Variants in ZNF132 observed in about 807,000 individuals in gnomAD.
ZNF132 encodes zinc finger protein 132 (clone pHZ-12).
Under a neutral mutation model 9.3 loss-of-function variants are expected in ZNF132, and 6 were observed. That is an observed-to-expected ratio of 0.65 (90% CI 0.35 to 1.28). The LOEUF (loss-of-function observed/expected upper bound fraction) is 1.28, where lower values mean the gene tolerates loss of function less well. ZNF132 is among the 50% of genes most tolerant of loss of function. The probability of loss-of-function intolerance (pLI) is 0.03; values close to 1 mark genes in which losing one functional copy is unlikely to be tolerated. For missense variants in ZNF132, 877 were observed against 843.2 expected (o/e 1.04, Z -0.50); for synonymous variants, 296 against 292.0 (o/e 1.01, Z -0.14).
rs1046003871 is a variant in ZNF132, at chr19:58,433,830, A to T, written c.1614T>A (p.Thr538=). 1.9e-6 allele frequency: 3 copies of T among 1,614,142 alleles called. No individual in the cohort carries two copies. Among genetic ancestry groups the T allele is most frequent in the Non-Finnish European group, 2.5e-6 (3 of 1,180,012 alleles). ...SSLIQHWRIH[T]GEKPYECSEC... ...CACTACACTCGTAAGGCTTTTCTCC[A>T]GTGTGAATTCTCCAGTGCTGAATCA... The change falls in exon 3 of 3, where the codon ACT becomes ACA. Residue 538 remains threonine (T), a synonymous_variant. Coordinates refer to ENST00000254166, the MANE Select transcript of ZNF132 (RefSeq NM_003433.4).
chr19:58,432,818 CT>C lies in ZNF132; in HGVS notation c.*504del, dbSNP rs1434158979. ...CAGAACCCCTAAGATTAAAGGTGAC[CT>C]GATCAATAAGGTCTTTATTATCACC... On this transcript the variant is annotated 3_prime_UTR_variant, in exon 3 of 3. Coordinates refer to ENST00000254166, the MANE Select transcript of ZNF132 (RefSeq NM_003433.4). The C allele has an allele frequency of 1.2e-5, 2 of 166,570 alleles. No individual in the cohort carries two copies. Among genetic ancestry groups the C allele is most frequent in the Admixed American group, 1.1e-4 (2 of 18,160 alleles). 10.3% of individuals were successfully genotyped at this position (166,570 alleles called of 1,614,324 possible). A position where few individuals can be genotyped will look rare whatever the true frequency, so the allele number is the denominator to read the frequency against.
Position 58,434,191 on chromosome 19 carries a change from A to G in ZNF132, c.1253T>C (p.Leu418Pro). The stretch of plus-strand genomic sequence containing the variant: ...AGTGTGAACTCTCCAGTGCTGAATG[A>G]GAGCAGAGCTTCGGCTGAAGGATTT... ...CGKSFSRSSALIQHWRVHTGE... is the reference protein window; with the variant it reads ...CGKSFSRSSAPIQHWRVHTGE... Residue 418 changes from leucine (L) to proline (P), a missense_variant, in exon 3 of 3, where the codon CTC becomes CCC. By Grantham distance (98) the Leu-to-Pro change is moderately conservative. Coordinates refer to ENST00000254166, the MANE Select transcript of ZNF132 (RefSeq NM_003433.4). 1 of 1,614,210 alleles carries G rather than the reference A, an allele frequency of 6.2e-7. No individual in the cohort carries two copies. The highest frequency in any genetic ancestry group is 1.3e-5 in the African/African-American group (1 of 75,052).
chr19:58,433,895 A>C lies in ZNF132; in HGVS notation c.1549T>G (p.Cys517Gly). The C allele has an allele frequency of 6.2e-7, 1 of 1,614,144 alleles. No individual in the cohort carries two copies. Among genetic ancestry groups the C allele is most frequent in the Non-Finnish European group, 8.5e-7 (1 of 1,180,028 alleles). The part of the protein sequence containing the change: ...KVHTGQRPYE[C>G]SECRKSFSRS... ...CTGAAGGATTTCCTACATTCGCTGC[A>C]CTCATAAGGCCTTTGCCCAGTATGT... Residue 517 changes from cysteine (C) to glycine (G), a missense_variant, in exon 3 of 3, where the codon TGC becomes GGC. Cys to Gly is a radical substitution (Grantham distance 159). Coordinates refer to ENST00000254166, the MANE Select transcript of ZNF132 (RefSeq NM_003433.4).
In ZNF132 at chr19:58,433,938, G is replaced by A. The variant is rs763690763; in HGVS notation, c.1506C>T (p.Leu502=). ...CAGTATGTACTTTCTGGTGCTGGAT[G>A]AGGGTGGAGCTATTACTGAAGGCTT... ...CGKAFSNSST[L]IQHQKVHTGQ... is the part of the protein sequence containing the mutation. The change falls in exon 3 of 3, where the codon CTC becomes CTT. Residue 502 remains leucine (L), a synonymous_variant. Coordinates refer to ENST00000254166, the MANE Select transcript of ZNF132 (RefSeq NM_003433.4). 3.8e-5 allele frequency: 62 copies of A among 1,613,996 alleles called. No homozygotes were observed. The highest frequency in any genetic ancestry group is 5.2e-5 in the Non-Finnish European group (61 of 1,180,034).
At chr19:58,438,725 G>A (rs10417117) in intron 1 of ZNF132, among the ~76,000 whole-genome samples, 12,664 of 150,638 alleles carry the variant, frequency 0.084, 1,615 homozygotes, top group African/African-American at 0.28. Context: ...CACCTGCCTC[G>A]GCCTCCCAAA....
At position 58,433,239 on chromosome 19, in the gene ZNF132, AT is replaced by A; in HGVS notation, c.*83del. 2.1e-6 allele frequency: 3 copies of A among 1,431,734 alleles called. No individual in the cohort carries two copies. The South Asian group carries it at 4.0e-5, about 19-fold the overall frequency. 88.7% of individuals were successfully genotyped at this position (1,431,734 alleles called of 1,614,324 possible). A position where few individuals can be genotyped will look rare whatever the true frequency, so the allele number is the denominator to read the frequency against. On this transcript the variant is annotated 3_prime_UTR_variant, in exon 3 of 3. Transcript: ENST00000254166. ...TCCACATTAGCAGTACATGTAGGTA[AT>A]TTTTCTGGTATGGGGATTCTGCTGC...
Position 58,435,133 on chromosome 19 carries a change from G to A in ZNF132, c.311C>T (p.Pro104Leu). 6.2e-7 allele frequency: 1 copy of A among 1,614,180 alleles called. No homozygotes were observed. Among genetic ancestry groups the A allele is most frequent in the Non-Finnish European group, 8.5e-7 (1 of 1,180,024 alleles). The change falls in exon 3 of 3, where the codon CCT becomes CTT. Residue 104 changes from proline (P) to leucine (L), a missense_variant. Pro to Leu is a moderately conservative substitution (Grantham distance 98). Transcript: ENST00000254166. ...TTTCTTGGTGGAAGGATCTGCATTA[G>A]GGATCCTGACCTGTAACACTTCTAC... ...VSVEVLQVRI[P>L]NADPSTKKAN...
At position 58,438,971 on chromosome 19, in the gene ZNF132, G is replaced by A. The variant is rs151122885; in HGVS notation, c.63+788C>T. On this transcript the variant is annotated intron_variant, in intron 1 of 2. Transcript: ENST00000254166. Reference sequence around the variant, plus strand: ...GTATTTTTAGTAGAGGTGGGGTTTCGCCACGTTGGCCAGGCTGGTCTTGAA... The same window carrying A: ...GTATTTTTAGTAGAGGTGGGGTTTCACCACGTTGGCCAGGCTGGTCTTGAA... Among the ~76,000 whole-genome samples, 1,047 of 151,266 alleles carry A rather than the reference G, an allele frequency of 6.9e-3. 16 individuals carry two copies. Among genetic ancestry groups the A allele is most frequent in the Admixed American group, 0.023 (352 of 15,180 alleles).
chr19:58,437,631 G>T, intron 1 of ZNF132: 1 of 880,040 alleles, frequency 1.1e-6, no homozygotes, highest in Non-Finnish European at 1.4e-6. Context: ...ACCTTTACAT[G>T]TCACTCCTCA....
chr19:58,433,919 G>A lies in ZNF132; in HGVS notation c.1525C>T (p.His509Tyr). The change falls in exon 3 of 3, where the codon CAT (histidine) becomes TAT (tyrosine). Residue 509 changes from histidine (H) to tyrosine (Y), a missense_variant. His to Tyr is a moderately conservative substitution (Grantham distance 83). Transcript: ENST00000254166. ...SSTLIQHQKV[H>Y]TGQRPYECSE... ...CACTCATAAGGCCTTTGCCCAGTAT[G>A]TACTTTCTGGTGCTGGATGAGGGTG... The A allele has an allele frequency of 6.2e-7, 1 of 1,614,158 alleles. No homozygotes were observed. Among genetic ancestry groups the A allele is most frequent in the Admixed American group, 1.7e-5 (1 of 60,014 alleles).
At position 58,439,759 on chromosome 19, in the gene ZNF132, C is replaced by T. The variant is rs1308658796; in HGVS notation, c.63G>A (p.Gln21=). The T allele has an allele frequency of 1.3e-6, 2 of 1,538,040 alleles. No individual in the cohort carries two copies. The highest frequency in any genetic ancestry group is 5.1e-5 in the East Asian group (2 of 39,486). Residue 21 remains glutamine (Q), a splice_region_variant and synonymous_variant, in exon 1 of 3, where the codon CAG becomes CAA. Coordinates refer to ENST00000254166, the MANE Select transcript of ZNF132 (RefSeq NM_003433.4). ...AGGGCCTGGGGCACACTCCACTTAC[C>T]TGCGCCGGGCCCATCAGCAACGCTG... ...GLPALLMGPA[Q]HTSWPCGSAV... is the part of the protein sequence containing the mutation.
rs981543504 is a variant in ZNF132 at position 58,434,107 on chromosome 19, A to C, written c.1337T>G (p.Leu446Arg). The C allele has an allele frequency of 3.1e-6, 5 of 1,613,816 alleles. No individual in the cohort carries two copies. The Admixed American group carries it at 5.0e-5, about 16-fold the overall frequency. ...CGRAFNNNSN[L>R]AQHQKVHTGE... ...GGTGTGAACTTTCTGGTGCTGAGCA[A>C]GGTTGGAGTTATTGTTAAAAGCTCT... The change falls in exon 3 of 3, where the codon CTT becomes CGT. Residue 446 changes from leucine (L) to arginine (R), a missense_variant. By Grantham distance (102) the Leu-to-Arg change is moderately radical. Coordinates refer to ENST00000254166, the MANE Select transcript of ZNF132 (RefSeq NM_003433.4).
At chr19:58,439,288 C>A (rs982874083) in intron 1 of ZNF132, among the ~76,000 whole-genome samples, 2 of 152,182 alleles carry the variant, frequency 1.3e-5, no homozygotes, top group Admixed American at 6.5e-5. Context: ...GCCCACTAGG[C>A]ATCCATAGGG....
chr19:58,438,274 C>G (rs1042407290), intron 1 of ZNF132, among the ~76,000 whole-genome samples: 1 of 152,182 alleles, frequency 6.6e-6, no homozygotes, highest in Admixed American at 6.5e-5. Context: ...AGTGTCCACA[C>G]ACAAGCATCC....
chr19:58,434,747 G>T lies in ZNF132; in HGVS notation c.697C>A (p.Gln233Lys). The T allele has an allele frequency of 6.2e-7, 1 of 1,614,212 alleles. No homozygotes were observed. The highest frequency in any genetic ancestry group is 8.5e-7 in the Non-Finnish European group (1 of 1,180,036). ...CAGTTGCTGCACTCGAAGAGTTTCT[G>T]TGTGGTACAGACTTCTGGAAGCTGC... ...LGQLPEVCTT[Q>K]KLFECSNCGK... The change falls in exon 3 of 3, where the codon CAG becomes AAG. Residue 233 changes from glutamine (Q) to lysine (K), a missense_variant. Physicochemically the swap from Gln to Lys is moderately conservative, Grantham distance 53. Coordinates refer to ENST00000254166, the MANE Select transcript of ZNF132 (RefSeq NM_003433.4).
rs374314697 is a variant in ZNF132 at position 58,439,948 on chromosome 19, C to G, written c.-127G>C. Reference sequence around the variant, plus strand: ...GCAAGGCCTCTGGGCACCGCAGGGACGAAGGCTGGGTATGGAGACCCTGGA... The same window carrying G: ...GCAAGGCCTCTGGGCACCGCAGGGAGGAAGGCTGGGTATGGAGACCCTGGA... On this transcript the variant is annotated 5_prime_UTR_variant, in exon 1 of 3. Coordinates refer to ENST00000254166, the MANE Select transcript of ZNF132 (RefSeq NM_003433.4). 6 of 982,108 alleles carry G rather than the reference C, an allele frequency of 6.1e-6. No homozygotes were observed. The highest frequency in any genetic ancestry group is 4.7e-5 in the South Asian group (3 of 64,220). The allele number at this position is 982,108 out of a possible 1,614,324, so 60.8% of individuals were successfully genotyped here. A position where few individuals can be genotyped will look rare whatever the true frequency, so the allele number is the denominator to read the frequency against.
intron 2 of ZNF132, chr19:58,436,196 G>A (rs1301811163): frequency 1.3e-5 from 2 of 154,104 alleles, no homozygotes; most frequent in Admixed American, 1.3e-4. Context: ...GGAACATGGG[G>A]AGTGACAGCT....
At chr19:58,437,623 C>G (rs957113990) in intron 1 of ZNF132, 4 of 870,260 alleles carry the variant, frequency 4.6e-6, no homozygotes, top group Non-Finnish European at 5.5e-6. Flanking sequence ...ATTCTCTCAC[C>G]TTTACATGTC....
At position 58,433,968 on chromosome 19, in the gene ZNF132, A is replaced by C; in HGVS notation, c.1476T>G (p.Cys492Trp). ...TGERPFECCD[C>W]GKAFSNSSTL... Reference sequence around the variant, plus strand: ...TGGAGCTATTACTGAAGGCTTTACCACAATCACAGCATTCAAAAGGCCGTT... The same window carrying C: ...TGGAGCTATTACTGAAGGCTTTACCCCAATCACAGCATTCAAAAGGCCGTT... The change falls in exon 3 of 3, where the codon TGT (cysteine) becomes TGG (tryptophan). Residue 492 changes from cysteine (C) to tryptophan (W), a missense_variant. By Grantham distance (215) the Cys-to-Trp change is radical. Transcript: ENST00000254166. 1 of 1,614,216 alleles carries C rather than the reference A, an allele frequency of 6.2e-7. No homozygotes were observed. Among genetic ancestry groups the C allele is most frequent in the African/African-American group, 1.3e-5 (1 of 75,036 alleles).
Sources: gnomAD v4.1 joint callset for allele counts (sites outside exome capture counted in the v4.1 genomes callset) on GRCh38, gnomAD v4.1.1 for gene constraint, MANE v1.5 for transcripts, NCBI Gene and HGNC (gene_info 2026-07-23, HGNC 2026-07-21) for gene names.